ZFPM2: variants seen among roughly 807,000 people sequenced by gnomAD.
The protein encoded by ZFPM2 is zinc finger protein ZFPM2.
Under a neutral mutation model 98.6 loss-of-function variants are expected in ZFPM2, and 20 were observed. The observed-to-expected ratio is 0.20, with a 90% CI of 0.14 to 0.29. The LOEUF (loss-of-function observed/expected upper bound fraction) is 0.29. Among genes scored for constraint, ZFPM2 ranks in the 10% least tolerant of loss-of-function variants. The pLI, the probability that ZFPM2 is intolerant of heterozygous loss-of-function variation, is 1.00. For synonymous variants in ZFPM2, 518 were observed against 502.7 expected (o/e 1.03, Z -0.41); for missense variants, 1,310 against 1,388.6 (o/e 0.94, Z 0.90).
chr8:105,623,089 T>A lies in ZFPM2; in HGVS notation c.421-11157T>A, dbSNP rs775761254. 1.3e-4 allele frequency among the ~76,000 whole-genome samples: 20 copies of A among 152,198 alleles called. No individual in the cohort carries two copies. The South Asian group carries it at 1.4e-3, about 11-fold the overall frequency. On this transcript the variant is annotated intron_variant, in intron 4 of 7. Transcript: ENST00000407775. ...TTATAATATTTCTGTTACTAAAATG[T>A]CTCACAGATTAGATAAGCTTTGTTC...
intron 4 of ZFPM2, among the ~76,000 whole-genome samples, chr8:105,617,079 G>A (rs1257763071): frequency 8.0e-6 from 1 of 124,732 alleles, no homozygotes; most frequent in Non-Finnish European, 1.7e-5. Context: ...CCATAAATGG[G>A]TAGCAAATGT....
chr8:105,541,445 A>G (rs1814573244), intron 3 of ZFPM2, among the ~76,000 whole-genome samples: 1 of 152,158 alleles, frequency 6.6e-6, no homozygotes. Context: ...GTGAAATATC[A>G]TGAATATCCT....
chr8:105,795,548 T>TAACA (rs775548867), intron 6 of ZFPM2, among the ~76,000 whole-genome samples: 35 of 149,360 alleles, frequency 2.3e-4, no homozygotes, highest in Non-Finnish European at 3.4e-4. Flanking sequence ...TTAGATATAC[T>TAACA]AACAAACAAA....
chr8:105,796,172 A>ATCTT (rs768804392), intron 6 of ZFPM2, among the ~76,000 whole-genome samples: 3 of 152,268 alleles, frequency 2.0e-5, no homozygotes, highest in Non-Finnish European at 2.9e-5. Flanking sequence ...TCTTTCCTGT[A>ATCTT]TCTTTACTTT....
chr8:105,522,261 T>G (rs1814079155), intron 3 of ZFPM2, among the ~76,000 whole-genome samples: 3 of 152,184 alleles, frequency 2.0e-5, no homozygotes. Context: ...TTGGATGATT[T>G]TATTAAGACT....
At chr8:105,549,518 T>TCCTTC (rs1814793601) in intron 3 of ZFPM2, among the ~76,000 whole-genome samples, 14 of 48,470 alleles carry the variant, frequency 2.9e-4, no homozygotes, top group African/African-American at 1.5e-3. Flanking sequence ...CTCCCTCCCA[T>TCCTTC]CTTCCTTCCT....
At chr8:105,707,875 T>A (rs1452137411) in intron 5 of ZFPM2, among the ~76,000 whole-genome samples, 1 of 152,198 alleles carries the variant, frequency 6.6e-6, no homozygotes, top group East Asian at 1.9e-4. Context: ...TCATGGACAT[T>A]CAGGTTATAA....
At chr8:105,379,613 C>T (rs578106106) in intron 1 of ZFPM2, among the ~76,000 whole-genome samples, 53 of 152,026 alleles carry the variant, frequency 3.5e-4, no homozygotes, top group Non-Finnish European at 6.3e-4. Context: ...ATTAACCAGG[C>T]GGGGTGGCGG....
At chr8:105,621,112 A>G (rs1210969740) in intron 4 of ZFPM2, among the ~76,000 whole-genome samples, 1 of 152,166 alleles carries the variant, frequency 6.6e-6, no homozygotes, top group Non-Finnish European at 1.5e-5. Flanking sequence ...TCTATAAATT[A>G]CCTTGGGCAG....
chr8:105,792,812 T>C (rs1208980994), intron 6 of ZFPM2, among the ~76,000 whole-genome samples: 1 of 152,238 alleles, frequency 6.6e-6, no homozygotes, highest in South Asian at 2.1e-4. Flanking sequence ...GCTCTTCTTG[T>C]TGAATTCATC....
At chr8:105,403,413 T>G (rs1811378331) in intron 1 of ZFPM2, among the ~76,000 whole-genome samples, 1 of 152,120 alleles carries the variant, frequency 6.6e-6, no homozygotes, top group Admixed American at 6.6e-5. Flanking sequence ...CTAATTCAAT[T>G]TTTCTGCATT....
intron 4 of ZFPM2, among the ~76,000 whole-genome samples, chr8:105,621,970 A>G (rs1481567768): frequency 2.6e-5 from 4 of 152,156 alleles, no homozygotes; most frequent in Non-Finnish European, 5.9e-5. Context: ...CATCCCTGTA[A>G]AATGATTATT....
chr8:105,441,423 A>C (rs1265993615), intron 2 of ZFPM2, among the ~76,000 whole-genome samples: 5 of 108,906 alleles, frequency 4.6e-5, no homozygotes, highest in African/African-American at 1.0e-4. Flanking sequence ...ACAAAAAAAA[A>C]GAAAGAAAGA....
At chr8:105,352,329 C>T (rs1192766960) in intron 1 of ZFPM2, among the ~76,000 whole-genome samples, 1 of 152,112 alleles carries the variant, frequency 6.6e-6, no homozygotes, top group Non-Finnish European at 1.5e-5. Context: ...ATTATATGCT[C>T]TAAACTGCTT....
At chr8:105,672,555 A>G in intron 5 of ZFPM2, among the ~76,000 whole-genome samples, 1 of 152,074 alleles carries the variant, frequency 6.6e-6, no homozygotes, top group Non-Finnish European at 1.5e-5. Context: ...ATTGATTTTT[A>G]AAAATCTGAT....
At chr8:105,719,113 TA>T (rs1392357382) in intron 5 of ZFPM2, among the ~76,000 whole-genome samples, 6 of 151,950 alleles carry the variant, frequency 3.9e-5, no homozygotes, top group African/African-American at 1.4e-4. Context: ...TAAAGAGGTA[TA>T]CCTTTTTCAT....
At chr8:105,586,443 G>A (rs1339493488) in intron 4 of ZFPM2, among the ~76,000 whole-genome samples, 3 of 151,764 alleles carry the variant, frequency 2.0e-5, no homozygotes, top group Non-Finnish European at 4.4e-5. Flanking sequence ...ATTTTTTTGA[G>A]ATGGAGTCTC....
chr8:105,803,606 AAAT>A lies in ZFPM2; in HGVS notation c.*71_*73del. On this transcript the variant is annotated 3_prime_UTR_variant, in exon 8 of 8. Transcript: ENST00000407775. ...GTTGTTCTAACCAGTCCAGAAAAAA[AAAT>A]AAGCTGTTTGAATTACATCTGGGCA... 6.8e-7 allele frequency: 1 copy of A among 1,477,912 alleles called. No homozygotes were observed. Among genetic ancestry groups the A allele is most frequent in the Non-Finnish European group, 9.2e-7 (1 of 1,085,194 alleles). 91.5% of individuals were successfully genotyped at this position (1,477,912 alleles called of 1,614,324 possible). A position where few individuals can be genotyped will look rare whatever the true frequency, so the allele number is the denominator to read the frequency against.
intron 4 of ZFPM2, among the ~76,000 whole-genome samples, chr8:105,574,479 C>G (rs1161926983): frequency 6.6e-6 from 1 of 152,144 alleles, no homozygotes; most frequent in Non-Finnish European, 1.5e-5. Context: ...TTTACCCTGT[C>G]TGATTCACTT....
Sources: allele counts gnomAD v4.1 joint callset (sites outside exome capture counted in the v4.1 genomes callset), GRCh38; gene constraint gnomAD v4.1.1; transcripts MANE v1.5; gene names NCBI Gene and HGNC (gene_info 2026-07-23, HGNC 2026-07-21).